The following NDUFB6 variants were observed in gnomAD, a reference collection of about 807,000 sequenced individuals.
The protein encoded by NDUFB6 is NADH:ubiquinone oxidoreductase subunit B6.
NDUFB6 carries 23 observed loss-of-function variants against 17.5 expected under a neutral mutation model. The observed-to-expected ratio is 1.31, with a 90% CI of 0.94 to 1.86. The LOEUF (loss-of-function observed/expected upper bound fraction) is 1.86, where lower values mean the gene tolerates loss of function less well. Among genes scored for constraint, NDUFB6 ranks in the 40% most tolerant of loss-of-function variants. The probability of loss-of-function intolerance (pLI) is 0.00; values close to 1 mark genes in which losing one functional copy is unlikely to be tolerated. For synonymous variants in NDUFB6, 60 were observed against 53.5 expected (o/e 1.12, Z -0.53); for missense variants, 167 against 153.8 (o/e 1.09, Z -0.46).
Position 32,558,897 on chromosome 9 carries a change from T to C in NDUFB6, c.318+13A>G. The C allele has an allele frequency of 6.5e-7, 1 of 1,537,380 alleles. No individual in the cohort carries two copies. Among genetic ancestry groups the C allele is most frequent in the East Asian group, 2.3e-5 (1 of 44,208 alleles). On this transcript the variant is annotated intron_variant, in intron 3 of 3. Transcript: ENST00000379847. ...CAATAAACAAAAGAAAAATCAGAAG[T>C]GTTAAGACTTACAGGGAATATTCTG...
chr9:32,570,798 C>T (rs1313742746), intron 2 of NDUFB6, among the ~76,000 whole-genome samples, 162 bp downstream of exon 2: 1 of 152,032 alleles, frequency 6.6e-6, no homozygotes, highest in Non-Finnish European at 1.5e-5. Context: ...AAAACTATAC[C>T]CAATTATGTA....
At position 32,571,747 on chromosome 9, in the gene NDUFB6, T is replaced by G. The variant is rs543890966; in HGVS notation, c.181-695A>C. Among the ~76,000 whole-genome samples the G allele has an allele frequency of 1.8e-3, 269 of 152,344 alleles. 1 individual carries two copies. The highest frequency in any genetic ancestry group is 3.4e-3 in the Middle Eastern group (1 of 294). ...GGTAAGGTGAACTTCGACACATTAT[T>G]ATTTATTTACTTCCTTATATCACTT... On this transcript the variant is annotated intron_variant, in intron 1 of 3. Transcript: ENST00000379847.
In NDUFB6 at chr9:32,553,732, T is replaced by C. The variant is rs1821371801; in HGVS notation, c.*144A>G. 1 of 617,832 alleles carries C rather than the reference T, an allele frequency of 1.6e-6. No individual in the cohort carries two copies. The highest frequency in any genetic ancestry group is 2.9e-6 in the Non-Finnish European group (1 of 347,314). The allele number at this position is 617,832 out of a possible 1,614,324, so 38.3% of individuals were successfully genotyped here. A position where few individuals can be genotyped will look rare whatever the true frequency, so the allele number is the denominator to read the frequency against. ...TTTTACTTATTGTTAAATTACTCAGTCTCAAATTGTACAATGCTTGAAAAC... is the reference window on the plus strand; with the variant it reads ...TTTTACTTATTGTTAAATTACTCAGCCTCAAATTGTACAATGCTTGAAAAC... On this transcript the variant is annotated 3_prime_UTR_variant, in exon 4 of 4. Coordinates refer to ENST00000379847, the MANE Select transcript of NDUFB6 (RefSeq NM_002493.5).
chr9:32,569,793 G>A (rs1168340066), intron 2 of NDUFB6, among the ~76,000 whole-genome samples: 1 of 152,154 alleles, frequency 6.6e-6, no homozygotes, highest in Non-Finnish European at 1.5e-5. Context: ...TAGGGCTACA[G>A]GTGGGAGCCA....
chr9:32,566,858 C>T, intron 2 of NDUFB6: 1 of 722,292 alleles, frequency 1.4e-6, no homozygotes, highest in Non-Finnish European at 2.3e-6. Flanking sequence ...TGCCGGGCGG[C>T]CTGGATGAGC....
At chr9:32,562,155 G>C (rs1195086632) in intron 2 of NDUFB6, among the ~76,000 whole-genome samples, 2 of 152,122 alleles carry the variant, frequency 1.3e-5, no homozygotes, top group Non-Finnish European at 2.9e-5. Flanking sequence ...GACTCCATAT[G>C]TTTGCTTCTA....
intron 2 of NDUFB6, among the ~76,000 whole-genome samples, chr9:32,562,593 T>A (rs1337038342): frequency 6.6e-6 from 1 of 152,248 alleles, no homozygotes; most frequent in Non-Finnish European, 1.5e-5. Context: ...GCTGCAAGAA[T>A]GAAAATAATT....
intron 2 of NDUFB6, among the ~76,000 whole-genome samples, chr9:32,561,371 G>C (rs926922814): frequency 2.6e-5 from 4 of 151,778 alleles, no homozygotes; most frequent in African/African-American, 9.7e-5. Flanking sequence ...TATCGCTCAG[G>C]CTGGAGAGTG....
chr9:32,568,746 A>G (rs903312991), intron 2 of NDUFB6: 70 of 120,654 alleles, frequency 5.8e-4, no homozygotes, highest in African/African-American at 2.5e-3. Flanking sequence ...ATATATATAT[A>G]TATTTTTTTT....
chr9:32,567,035 C>T (rs192891119), intron 2 of NDUFB6: 13 of 499,436 alleles, frequency 2.6e-5, no homozygotes, highest in Non-Finnish European at 3.2e-5. Flanking sequence ...GTAGCCCTTG[C>T]GCAGCATCTC....
intron 2 of NDUFB6, among the ~76,000 whole-genome samples, chr9:32,564,814 C>G (rs912518532): frequency 2.0e-5 from 3 of 152,196 alleles, no homozygotes; most frequent in African/African-American, 7.2e-5. Flanking sequence ...CACAGAAACA[C>G]TTTCTTCATA....
intron 2 of NDUFB6, among the ~76,000 whole-genome samples, chr9:32,562,982 T>A (rs1821669646): frequency 6.6e-6 from 1 of 152,240 alleles, no homozygotes; most frequent in Non-Finnish European, 1.5e-5. Context: ...AAAGCTGTTC[T>A]TTAACATTCA....
At chr9:32,567,789 C>T in intron 2 of NDUFB6, 1 of 284,958 alleles carries the variant, frequency 3.5e-6, no homozygotes, top group Non-Finnish European at 7.3e-6. Context: ...CACCAACTGG[C>T]CATTCCCCAC....
At chr9:32,563,535 G>A (rs987473780) in intron 2 of NDUFB6, among the ~76,000 whole-genome samples, 10 of 125,186 alleles carry the variant, frequency 8.0e-5, no homozygotes, top group African/African-American at 3.1e-4. Flanking sequence ...TGTTGCCCAG[G>A]TTGATCTCAA....
chr9:32,570,500 G>A (rs1017039915), intron 2 of NDUFB6, among the ~76,000 whole-genome samples: 1 of 152,076 alleles, frequency 6.6e-6, no homozygotes, highest in Non-Finnish European at 1.5e-5. Flanking sequence ...CAGTGAAAAA[G>A]TGCAGGCATC....
chr9:32,566,554 C>T (rs988088311), intron 2 of NDUFB6: 8 of 775,692 alleles, frequency 1.0e-5, no homozygotes, highest in African/African-American at 3.4e-5. Flanking sequence ...TAGCTGCCGT[C>T]GTACTGCACA....
chr9:32,562,866 TGCCAACACC>T (rs1821664503), intron 2 of NDUFB6, among the ~76,000 whole-genome samples: 1 of 152,230 alleles, frequency 6.6e-6, no homozygotes, highest in Admixed American at 6.5e-5. Context: ...AAATTCTGAC[TGCCAACACC>T]GTCACTGTTC....
intron 3 of NDUFB6, among the ~76,000 whole-genome samples, chr9:32,558,690 T>C (rs1179273778): frequency 6.6e-6 from 1 of 152,172 alleles, no homozygotes; most frequent in Non-Finnish European, 1.5e-5. Flanking sequence ...AGGTTGAAAA[T>C]AAATGTGCTC....
chr9:32,555,027 G>C (rs951258102), intron 3 of NDUFB6, among the ~76,000 whole-genome samples: 2 of 151,876 alleles, frequency 1.3e-5, no homozygotes, highest in African/African-American at 4.8e-5. Context: ...GCTGATTTGA[G>C]AGGCGACATA....
Sources: allele counts gnomAD v4.1 joint callset (sites outside exome capture counted in the v4.1 genomes callset), GRCh38; gene constraint gnomAD v4.1.1; transcripts MANE v1.5; gene names NCBI Gene and HGNC (gene_info 2026-07-23, HGNC 2026-07-21).